BIN3: variants seen among roughly 807,000 people sequenced by gnomAD.
The protein encoded by BIN3 is bridging integrator 3.
Under a neutral mutation model 38.2 loss-of-function variants are expected in BIN3, and 41 were observed. That is an observed-to-expected ratio of 1.07 (90% CI 0.84 to 1.39). The LOEUF (loss-of-function observed/expected upper bound fraction) is 1.39. BIN3 is among the 40% of genes most tolerant of loss of function. The probability of loss-of-function intolerance (pLI) is 0.00; values close to 1 mark genes in which losing one functional copy is unlikely to be tolerated. For synonymous variants in BIN3, 145 were observed against 122.6 expected, an observed-to-expected ratio of 1.18 and a Z score of -1.21; for missense variants, 361 against 324.3, an observed-to-expected ratio of 1.11 and a Z score of -0.87.
intron 2 of BIN3, among the ~76,000 whole-genome samples, chr8:22,640,910 AGGCC>A (rs942725149): frequency 5.3e-5 from 8 of 152,266 alleles, no homozygotes; most frequent in Non-Finnish European, 1.2e-4. Flanking sequence ...GTGCCGCTCA[AGGCC>A]ATCTGACAGC....
chr8:22,662,980 ATGG>A (rs1447502230), intron 1 of BIN3, among the ~76,000 whole-genome samples: 2 of 152,076 alleles, frequency 1.3e-5, no homozygotes, highest in Non-Finnish European at 2.9e-5. Flanking sequence ...CTACTAAAAA[ATGG>A]TGGTGCATGC....
chr8:22,640,865 G>T (rs933732639), intron 2 of BIN3, among the ~76,000 whole-genome samples: 2 of 152,134 alleles, frequency 1.3e-5, no homozygotes, highest in Admixed American at 1.3e-4. Flanking sequence ...TGAAGCTGAG[G>T]AGAAGGTCAG....
Position 22,623,897 on chromosome 8 carries a change from A to G in BIN3, c.615+18T>C. On this transcript the variant is annotated intron_variant, in intron 8 of 8. Transcript: ENST00000276416. Reference sequence around the variant, plus strand: ...CTGTGTATACCAAGCCCAGGGGAAGAGCACCTGGCGGCCTCACCTGAGCTC... The same window carrying G: ...CTGTGTATACCAAGCCCAGGGGAAGGGCACCTGGCGGCCTCACCTGAGCTC... 1 of 1,609,746 alleles carries G rather than the reference A, an allele frequency of 6.2e-7. No individual in the cohort carries two copies. Among genetic ancestry groups the G allele is most frequent in the Non-Finnish European group, 8.5e-7 (1 of 1,178,508 alleles).
At chr8:22,647,197 T>C (rs1802740654) in intron 1 of BIN3, among the ~76,000 whole-genome samples, 1 of 152,152 alleles carries the variant, frequency 6.6e-6, no homozygotes, top group Non-Finnish European at 1.5e-5. Flanking sequence ...TCTAAAGAAG[T>C]CTCAGAGTGG....
chr8:22,640,048 G>C (rs1317459590), intron 2 of BIN3, among the ~76,000 whole-genome samples: 1 of 151,224 alleles, frequency 6.6e-6, no homozygotes, highest in Non-Finnish European at 1.5e-5. Flanking sequence ...TTTTAGTAGA[G>C]ACAGGGTTTC....
chr8:22,661,146 A>AAGTGCTGGGATTAT (rs1803223262), intron 1 of BIN3, among the ~76,000 whole-genome samples: 1 of 151,908 alleles, frequency 6.6e-6, no homozygotes, highest in Non-Finnish European at 1.5e-5. Context: ...TGGCCTCCCA[A>AAGTGCTGGGATTAT]AGTGCTGGGA....
chr8:22,626,782 C>CGGTG, intron 6 of BIN3, among the ~76,000 whole-genome samples: 1 of 152,126 alleles, frequency 6.6e-6, no homozygotes, highest in African/African-American at 2.4e-5. Flanking sequence ...TGGGAGGAGC[C>CGGTG]CTATGCTCGT....
At chr8:22,623,502 G>A (rs771311948) in intron 8 of BIN3, among the ~76,000 whole-genome samples, 1 of 152,198 alleles carries the variant, frequency 6.6e-6, no homozygotes, top group Non-Finnish European at 1.5e-5. Flanking sequence ...ACTGGCTCAC[G>A]GTAGGCAGGG....
At position 22,630,493 on chromosome 8, in the gene BIN3, C is replaced by T; in HGVS notation, c.246G>A (p.Val82=). The change falls in exon 5 of 9, where the codon GTG becomes GTA. Residue 82 remains valine (V), a synonymous_variant. Transcript: ENST00000276416. ...CEQDQDLLNM[V]TALDTAMKRM... ...GCTTCATGGCCGTGTCCAGGGCCGT[C>T]ACCATGTTCAGAAGGTCCTGGTCTT... is the stretch of plus-strand genomic sequence containing the variant. 1.2e-6 allele frequency: 2 copies of T among 1,614,016 alleles called. No individual in the cohort carries two copies. The highest frequency in any genetic ancestry group is 1.7e-6 in the Non-Finnish European group (2 of 1,179,872).
At chr8:22,637,366 G>A (rs1802403375) in intron 2 of BIN3, among the ~76,000 whole-genome samples, 1 of 152,192 alleles carries the variant, frequency 6.6e-6, no homozygotes, top group Non-Finnish European at 1.5e-5. Flanking sequence ...GTCTGTCTCT[G>A]CCTTTTCCTA....
At chr8:22,629,230 C>T (rs1164677819) in intron 6 of BIN3, among the ~76,000 whole-genome samples, 1 of 152,154 alleles carries the variant, frequency 6.6e-6, no homozygotes, top group Non-Finnish European at 1.5e-5. Context: ...CCTGGCAAGG[C>T]ACTGCCTGGG....
chr8:22,641,870 C>T (rs1440130213), intron 2 of BIN3, among the ~76,000 whole-genome samples: 2 of 152,114 alleles, frequency 1.3e-5, no homozygotes, highest in Non-Finnish European at 2.9e-5. Flanking sequence ...GAAGGTGTGG[C>T]GGCTTCTTCC....
intron 1 of BIN3, among the ~76,000 whole-genome samples, chr8:22,667,952 T>C (rs1803479068): frequency 6.6e-6 from 1 of 152,254 alleles, no homozygotes; most frequent in Admixed American, 6.5e-5. Context: ...TTCTGTTATC[T>C]TAATTCATTC....
intron 1 of BIN3, among the ~76,000 whole-genome samples, chr8:22,648,317 T>A (rs754083387): frequency 2.6e-5 from 4 of 152,094 alleles, no homozygotes; most frequent in Non-Finnish European, 5.9e-5. Context: ...GTTTTCCCCA[T>A]GTCCTTTCTC....
intron 1 of BIN3, among the ~76,000 whole-genome samples, chr8:22,666,396 G>C (rs1377533014): frequency 1.4e-5 from 2 of 147,338 alleles, no homozygotes. Flanking sequence ...GGCAAATGGC[G>C]GGGGGAGGTG....
intron 4 of BIN3, among the ~76,000 whole-genome samples, chr8:22,631,426 A>G (rs1564595): frequency 0.64 from 97,458 of 151,986 alleles, 31,960 homozygotes; most frequent in South Asian, 0.76. Flanking sequence ...TCCCCATCTT[A>G]GGGTTCTGCC....
intron 1 of BIN3, among the ~76,000 whole-genome samples, chr8:22,652,625 T>C (rs1406771001): frequency 6.6e-6 from 1 of 152,248 alleles, no homozygotes; most frequent in Non-Finnish European, 1.5e-5. Flanking sequence ...CTGGCTGCCC[T>C]CTCAGAGGCG....
At chr8:22,629,418 C>A (rs1209802220) in intron 6 of BIN3, among the ~76,000 whole-genome samples, 1 of 152,192 alleles carries the variant, frequency 6.6e-6, no homozygotes, top group East Asian at 1.9e-4. Context: ...CAGGGCCTGC[C>A]CAACAGAAGA....
chr8:22,664,874 G>T (rs1331077247), intron 1 of BIN3, among the ~76,000 whole-genome samples: 1 of 152,212 alleles, frequency 6.6e-6, no homozygotes, highest in East Asian at 1.9e-4. Flanking sequence ...ATAGGGGAAA[G>T]GACTTCACTG....
Sources: gnomAD v4.1 joint callset for allele counts (sites outside exome capture counted in the v4.1 genomes callset) on GRCh38, gnomAD v4.1.1 for gene constraint, MANE v1.5 for transcripts, NCBI Gene and HGNC (gene_info 2026-07-23, HGNC 2026-07-21) for gene names.